GCNT2: variants seen among roughly 807,000 people sequenced by gnomAD.
The protein encoded by GCNT2 is glucosaminyl (N-acetyl) transferase 2 (I blood group).
A neutral mutation model predicts 34.2 loss-of-function variants in GCNT2; 34 were observed. The observed-to-expected ratio is 1.00, with a 90% confidence interval of 0.76 to 1.32. The LOEUF (loss-of-function observed/expected upper bound fraction) is 1.32, where lower values mean the gene tolerates loss of function less well. Among genes scored for constraint, GCNT2 ranks in the 40% most tolerant of loss-of-function variants. The pLI is 0.00. For synonymous variants in GCNT2, 212 were observed against 188.0 expected (o/e 1.13, Z -1.04); for missense variants, 584 against 489.4 (o/e 1.19, Z -1.82).
At chr6:10,559,129 CTG>C (rs1380385052) in intron 3 of GCNT2, among the ~76,000 whole-genome samples, 1 of 136,774 alleles carries the variant, frequency 7.3e-6, no homozygotes, top group African/African-American at 2.8e-5. Context: ...ATGTAAATAT[CTG>C]TGGTTATTTT....
intron 3 of GCNT2, among the ~76,000 whole-genome samples, chr6:10,604,799 T>C (rs1216623203): frequency 6.6e-6 from 1 of 151,242 alleles, no homozygotes; most frequent in Non-Finnish European, 1.5e-5. Context: ...GTTGAGGCTG[T>C]GGTGACCTGT....
At chr6:10,539,774 C>G (rs1761955229) in intron 3 of GCNT2, among the ~76,000 whole-genome samples, 1 of 152,160 alleles carries the variant, frequency 6.6e-6, no homozygotes, top group Admixed American at 6.5e-5. Flanking sequence ...AGCATAAGGT[C>G]TAATTTTTGG....
intron 3 of GCNT2, chr6:10,573,317 T>C: frequency 1.0e-6 from 1 of 978,528 alleles, no homozygotes; most frequent in Non-Finnish European, 1.2e-6. Context: ...TAACAGAATA[T>C]AGTCAAAGAT....
At chr6:10,523,836 G>C (rs551779403) in intron 1 of GCNT2, among the ~76,000 whole-genome samples, 3 of 152,040 alleles carry the variant, frequency 2.0e-5, no homozygotes, top group African/African-American at 7.2e-5. Context: ...AGCCGGGCTT[G>C]GTGGTGGGCG....
At chr6:10,594,451 T>C (rs989910552) in intron 3 of GCNT2, among the ~76,000 whole-genome samples, 1 of 152,202 alleles carries the variant, frequency 6.6e-6, no homozygotes, top group African/African-American at 2.4e-5. Flanking sequence ...TATTATGGGC[T>C]CTGGAGTGAG....
At chr6:10,542,377 A>T (rs926736447) in intron 3 of GCNT2, among the ~76,000 whole-genome samples, 3 of 151,796 alleles carry the variant, frequency 2.0e-5, no homozygotes, top group African/African-American at 7.3e-5. Flanking sequence ...GGTGAAATTT[A>T]TGACATATAA....
intron 3 of GCNT2, among the ~76,000 whole-genome samples, chr6:10,532,136 A>G (rs1042446128): frequency 1.3e-5 from 2 of 152,114 alleles, no homozygotes; most frequent in Non-Finnish European, 2.9e-5. Context: ...AGTGCTGCTG[A>G]GGAAACCTCA....
At chr6:10,550,856 C>T (rs1762449604) in intron 3 of GCNT2, among the ~76,000 whole-genome samples, 1 of 152,202 alleles carries the variant, frequency 6.6e-6, no homozygotes, top group African/African-American at 2.4e-5. Context: ...TGTATTTCTA[C>T]AGCTCCTCCA....
chr6:10,586,633 T>C (rs1301377639), intron 3 of GCNT2: 4 of 1,614,198 alleles, frequency 2.5e-6, no homozygotes, highest in Non-Finnish European at 3.4e-6. Flanking sequence ...GGGAAAAATA[T>C]CACCCCAGGG....
intron 3 of GCNT2, among the ~76,000 whole-genome samples, chr6:10,559,572 T>C (rs1762878538): frequency 6.6e-6 from 1 of 152,196 alleles, no homozygotes; most frequent in African/African-American, 2.4e-5. Context: ...TGTAAAGACC[T>C]CCCACGCTGC....
chr6:10,586,812 G>T, intron 3 of GCNT2: 1 of 1,613,618 alleles, frequency 6.2e-7, no homozygotes, highest in Middle Eastern at 1.6e-4. Flanking sequence ...AGACTTTGTC[G>T]ACTTTGTTCT....
chr6:10,523,123 A>G (rs1404368271), intron 1 of GCNT2, among the ~76,000 whole-genome samples: 2 of 152,216 alleles, frequency 1.3e-5, no homozygotes, highest in African/African-American at 2.4e-5. Context: ...ACTGAGCTTG[A>G]AAAGACCAGC....
chr6:10,529,770 C>CT lies in GCNT2; in HGVS notation c.860dup (p.Ser288LeufsTer43), dbSNP rs763984017. Reference sequence around the variant, plus strand: ...CCAAGACCAGCTCGCACTTGACTTACTCTCCTGGTCCAAGGACACCTACAG... The same window carrying CT: ...CCAAGACCAGCTCGCACTTGACTTACTTCTCCTGGTCCAAGGACACCTACAG... On this transcript the variant is annotated frameshift_variant, in exon 3 of 5. Coordinates refer to ENST00000495262, the MANE Select transcript of GCNT2 (RefSeq NM_145649.5). LOFTEE classifies it high-confidence loss of function. 11 of 1,614,172 alleles carry CT rather than the reference C, an allele frequency of 6.8e-6. No homozygotes were observed. In the East Asian group the frequency reaches 2.2e-4, roughly 33 times the overall value.
chr6:10,563,796 ATATATATATAT>A (rs1763156752), intron 3 of GCNT2, among the ~76,000 whole-genome samples: 2 of 140,246 alleles, frequency 1.4e-5, no homozygotes, highest in African/African-American at 5.1e-5. Context: ...ATATATATAT[ATATATATATAT>A]ATGACTTGTC....
intron 3 of GCNT2, among the ~76,000 whole-genome samples, chr6:10,550,054 A>G (rs1762419893): frequency 6.6e-6 from 1 of 151,510 alleles, no homozygotes; most frequent in Admixed American, 6.6e-5. Context: ...GTTTACCCCA[A>G]TTTTTTCTGT....
chr6:10,571,185 A>G (rs1423882064), intron 3 of GCNT2, among the ~76,000 whole-genome samples: 2 of 152,152 alleles, frequency 1.3e-5, no homozygotes, highest in Non-Finnish European at 2.9e-5. Context: ...CCTATTTCTT[A>G]TAAAGCTTAG....
intron 3 of GCNT2, among the ~76,000 whole-genome samples, chr6:10,548,841 C>A (rs547974434): frequency 2.6e-5 from 4 of 152,162 alleles, no homozygotes; most frequent in Admixed American, 2.0e-4. Context: ...TCACTTGCAA[C>A]CTCCACCTCC....
intron 3 of GCNT2, among the ~76,000 whole-genome samples, chr6:10,619,031 A>C (rs936662349): frequency 1.3e-5 from 2 of 152,186 alleles, no homozygotes; most frequent in African/African-American, 2.4e-5. Context: ...ATCAGGGCAA[A>C]AGAACAGACC....
intron 3 of GCNT2, chr6:10,530,280 G>A (rs1243689398): frequency 2.4e-5 from 4 of 164,156 alleles, no homozygotes; most frequent in East Asian, 1.7e-4. Flanking sequence ...CAGGAGAATC[G>A]CTTGAACCCA....
Sources: allele counts gnomAD v4.1 joint callset (sites outside exome capture counted in the v4.1 genomes callset), GRCh38; gene constraint gnomAD v4.1.1; transcripts MANE v1.5; gene names NCBI Gene and HGNC (gene_info 2026-07-23, HGNC 2026-07-21).